POU6F2: variants seen among roughly 807,000 people sequenced by gnomAD.
The protein encoded by POU6F2 is POU class 6 homeobox 2.
In POU6F2, 31 loss-of-function variants were observed where a neutral mutation model predicts 71.3. The ratio of observed to expected loss-of-function variants is 0.43; its 90% CI spans 0.33 to 0.59. POU6F2 has a LOEUF of 0.59. POU6F2 is among the 20% of genes least tolerant of loss of function. The pLI, the probability that POU6F2 is intolerant of heterozygous loss-of-function variation, is 0.04. For missense variants in POU6F2, 783 were observed against 856.8 expected, an observed-to-expected ratio of 0.91 and a Z score of 1.07; for synonymous variants, 347 against 355.7, an observed-to-expected ratio of 0.98 and a Z score of 0.27.
In POU6F2 at chr7:39,187,350, A is replaced by G. The variant is rs914456591; in HGVS notation, c.278-16885A>G. On this transcript the variant is annotated intron_variant, in intron 2 of 9. Coordinates refer to ENST00000518318, the MANE Select transcript of POU6F2 (RefSeq NM_001370959.1). ...GGCTGTGTCTTCGCCTGCCTGTTCC[A>G]CCCCAAACCCCAAACCCTGACTGCT... 5.3e-5 allele frequency among the ~76,000 whole-genome samples: 8 copies of G among 152,092 alleles called. No individual in the cohort carries two copies. The East Asian group carries it at 1.5e-3, about 29-fold the overall frequency.
Position 39,230,282 on chromosome 7 carries a change from C to A in POU6F2, c.598+22662C>A, listed in dbSNP as rs562629866. ...ATTCCTCGAGGCCAGAGTCCAAGAC[C>A]AACCTGAGCAACATAGTGAGACCCT... On this transcript the variant is annotated intron_variant, in intron 4 of 9. Coordinates refer to ENST00000518318, the MANE Select transcript of POU6F2 (RefSeq NM_001370959.1). 3.3e-5 allele frequency among the ~76,000 whole-genome samples: 5 copies of A among 152,056 alleles called. No homozygotes were observed. The South Asian group carries it at 1.0e-3, about 32-fold the overall frequency.
chr7:39,003,641 C>T (rs1040527399), intron 1 of POU6F2, among the ~76,000 whole-genome samples: 1 of 150,438 alleles, frequency 6.6e-6, no homozygotes, highest in South Asian at 2.1e-4. Context: ...CCCAGCTACT[C>T]GGGAGGCTGA....
intron 4 of POU6F2, among the ~76,000 whole-genome samples, chr7:39,301,552 A>C (rs967039856): frequency 3.9e-5 from 6 of 152,202 alleles, no homozygotes; most frequent in Non-Finnish European, 2.9e-5. Flanking sequence ...AAAGATTGCT[A>C]ACTGTGCCTT....
At chr7:38,981,822 T>C (rs1389238528) in intron 1 of POU6F2, among the ~76,000 whole-genome samples, 3 of 152,224 alleles carry the variant, frequency 2.0e-5, no homozygotes, top group Non-Finnish European at 4.4e-5. Flanking sequence ...AATGCAAATG[T>C]CTCAGACAGT....
intron 2 of POU6F2, among the ~76,000 whole-genome samples, chr7:39,159,858 A>G (rs993389658): frequency 2.6e-5 from 4 of 152,204 alleles, no homozygotes; most frequent in African/African-American, 9.7e-5. Context: ...AGGCCAGAGA[A>G]GAGAAAAATA....
intron 4 of POU6F2, among the ~76,000 whole-genome samples, chr7:39,208,694 C>T (rs551211833): frequency 6.6e-6 from 1 of 152,246 alleles, no homozygotes; most frequent in African/African-American, 2.4e-5. Context: ...CTCTCTTGTA[C>T]CATTAAATTG....
At chr7:39,276,603 G>A (rs1050632362) in intron 4 of POU6F2, among the ~76,000 whole-genome samples, 9 of 151,250 alleles carry the variant, frequency 6.0e-5, no homozygotes, top group African/African-American at 1.5e-4. Context: ...ACATGCACAC[G>A]TATGTTTATT....
chr7:39,098,207 A>T lies in POU6F2; in HGVS notation c.277+12176A>T, dbSNP rs534072555. Among the ~76,000 whole-genome samples the T allele has an allele frequency of 2.0e-5, 3 of 151,782 alleles. No homozygotes were observed. The East Asian group carries it at 5.8e-4, about 29-fold the overall frequency. ...ATTTTTTATTTTTTTATTTTTATTT[A>T]CTTACGTTTTTACATGTGTTCTCTC... On this transcript the variant is annotated intron_variant, in intron 2 of 9. Coordinates refer to ENST00000518318, the MANE Select transcript of POU6F2 (RefSeq NM_001370959.1).
chr7:39,092,956 A>C (rs1791385261), intron 2 of POU6F2, among the ~76,000 whole-genome samples: 1 of 152,176 alleles, frequency 6.6e-6, no homozygotes, highest in Non-Finnish European at 1.5e-5. Context: ...ACCAAGATGC[A>C]TACCCCCAAG....
intron 2 of POU6F2, among the ~76,000 whole-genome samples, chr7:39,090,480 G>T (rs1471648106): frequency 2.0e-5 from 3 of 152,066 alleles, no homozygotes; most frequent in Non-Finnish European, 4.4e-5. Flanking sequence ...ATGCATCAGT[G>T]GAGGCCTTCA....
At chr7:39,378,742 A>G (rs1015429335) in intron 5 of POU6F2, among the ~76,000 whole-genome samples, 27 of 152,352 alleles carry the variant, frequency 1.8e-4, no homozygotes, top group Non-Finnish European at 4.0e-4. Context: ...GAAACTCTTC[A>G]GATTCCAGGA....
chr7:39,019,484 T>C (rs1382021483), intron 1 of POU6F2, among the ~76,000 whole-genome samples: 2 of 152,154 alleles, frequency 1.3e-5, no homozygotes, highest in Non-Finnish European at 2.9e-5. Flanking sequence ...CTTACAGTAT[T>C]CCATTTGTAG....
At chr7:39,305,062 C>T (rs1190056258) in intron 4 of POU6F2, among the ~76,000 whole-genome samples, 3 of 152,242 alleles carry the variant, frequency 2.0e-5, no homozygotes, top group Non-Finnish European at 4.4e-5. Context: ...GTATACTATA[C>T]AAATTCACAA....
chr7:39,087,172 ATTTATTT>A (rs1167280449), intron 2 of POU6F2, among the ~76,000 whole-genome samples: 141 of 126,206 alleles, frequency 1.1e-3, no homozygotes, highest in African/African-American at 4.7e-3. Flanking sequence ...TTATTTATTT[ATTTATTT>A]ATTTATTTAT....
At chr7:39,039,812 G>T (rs1790144104) in intron 1 of POU6F2, among the ~76,000 whole-genome samples, 1 of 150,798 alleles carries the variant, frequency 6.6e-6, no homozygotes, top group Admixed American at 6.7e-5. Context: ...AAGGTTAGGT[G>T]GAGAGTGCAT....
chr7:39,142,102 CA>C (rs563366624), intron 2 of POU6F2, among the ~76,000 whole-genome samples: 134 of 145,534 alleles, frequency 9.2e-4, no homozygotes, highest in African/African-American at 3.1e-3. Context: ...AAACAACAAC[CA>C]AAAAAAAAAC....
At chr7:39,447,827 G>A (rs1456456172) in intron 7 of POU6F2, among the ~76,000 whole-genome samples, 1 of 152,006 alleles carries the variant, frequency 6.6e-6, no homozygotes, top group African/African-American at 2.4e-5. Flanking sequence ...ATACTTAAAT[G>A]TCTATTTCTT....
rs770115483 is a variant in POU6F2 at position 39,433,161 on chromosome 7, A to G, written c.1198A>G (p.Ile400Val). The change falls in exon 7 of 10, where the codon ATC (isoleucine) becomes GTC (valine). Residue 400 changes from isoleucine to valine, a missense_variant. Coordinates refer to ENST00000518318, the MANE Select transcript of POU6F2 (RefSeq NM_001370959.1). ...SGTQGLQVQP[I>V]TPQLLTNAQG... ...CACTCAGGGCTTGCAAGTGCAGCCA[A>G]TCACCCCCCAGCTCCTCACAAACGC... 3.7e-6 allele frequency: 6 copies of G among 1,613,786 alleles called. No homozygotes were observed. In the East Asian group the frequency reaches 6.7e-5, roughly 18 times the overall value.
At chr7:39,068,700 C>A (rs887595854) in intron 1 of POU6F2, among the ~76,000 whole-genome samples, 1 of 152,024 alleles carries the variant, frequency 6.6e-6, no homozygotes, top group Non-Finnish European at 1.5e-5. Flanking sequence ...GACAGAATAA[C>A]AGGAACTCAT....
Sources: gnomAD v4.1 joint callset for allele counts (sites outside exome capture counted in the v4.1 genomes callset) on GRCh38, gnomAD v4.1.1 for gene constraint, MANE v1.5 for transcripts, NCBI Gene and HGNC (gene_info 2026-07-23, HGNC 2026-07-21) for gene names.